The following COL6A5 variants were observed in gnomAD, a reference collection of about 807,000 sequenced individuals.
COL6A5 encodes the protein collagen type VI alpha 5 chain.
In COL6A5, 48 loss-of-function variants were observed where a neutral mutation model predicts 65.6. That is an observed-to-expected ratio of 0.73 (90% CI 0.58 to 0.93). The LOEUF (loss-of-function observed/expected upper bound fraction) is 0.93. Ranked by LOEUF, COL6A5 falls within the 40% of genes least tolerant of loss-of-function variation. COL6A5 has a pLI of 0.00. For missense variants in COL6A5, 914 were observed against 928.3 expected (o/e 0.98, Z 0.20); for synonymous variants, 291 against 322.8 (o/e 0.90, Z 1.05).
chr3:130,407,804 A>T (rs1333788435), intron 17 of COL6A5, among the ~76,000 whole-genome samples: 1 of 152,220 alleles, frequency 6.6e-6, no homozygotes, highest in Non-Finnish European at 1.5e-5. Context: ...AATCGGAAAT[A>T]ATTAGGTTTG....
At chr3:130,396,927 A>G (rs1936621838) in intron 8 of COL6A5, among the ~76,000 whole-genome samples, 1 of 152,136 alleles carries the variant, frequency 6.6e-6, no homozygotes, top group South Asian at 2.1e-4. Flanking sequence ...CAGTGGCACG[A>G]TCTCGGCTCA....
chr3:130,369,989 C>G (rs889323704), intron 1 of COL6A5, among the ~76,000 whole-genome samples: 15 of 152,192 alleles, frequency 9.9e-5, no homozygotes, highest in Admixed American at 2.0e-4. Context: ...TGTTGGTTCA[C>G]TTGGTAGCTA....
chr3:130,353,245 G>C (rs1032015929), intron 1 of COL6A5, among the ~76,000 whole-genome samples: 1 of 152,206 alleles, frequency 6.6e-6, no homozygotes, highest in Non-Finnish European at 1.5e-5. Context: ...AGCACTCCCT[G>C]TTGGACCTGT....
At chr3:130,420,786 A>G (rs1937502559) in intron 25 of COL6A5, among the ~76,000 whole-genome samples, 1 of 152,054 alleles carries the variant, frequency 6.6e-6, no homozygotes, top group South Asian at 2.1e-4. Context: ...AGGGAGGACG[A>G]ACATTTTTTT....
At chr3:130,437,297 G>A (rs1257573981) in intron 1 of COL6A5, among the ~76,000 whole-genome samples, 2 of 152,114 alleles carry the variant, frequency 1.3e-5, no homozygotes, top group Admixed American at 6.6e-5. Context: ...CTAGTATTAA[G>A]TATTGATATA....
intron 17 of COL6A5, among the ~76,000 whole-genome samples, chr3:130,408,416 C>A (rs1260867330): frequency 6.6e-6 from 1 of 152,052 alleles, no homozygotes; most frequent in Admixed American, 6.5e-5. Flanking sequence ...TCCAGCCTGG[C>A]GAATTCTAGT....
chr3:130,470,486 C>G (rs560620509), intron 6 of COL6A5, among the ~76,000 whole-genome samples: 1 of 151,318 alleles, frequency 6.6e-6, no homozygotes, highest in South Asian at 2.1e-4. Context: ...CAGACAATTT[C>G]AATAGCTAAT....
chr3:130,477,401 A>G (rs904060486), intron 7 of COL6A5: 4 of 222,108 alleles, frequency 1.8e-5, no homozygotes, highest in Non-Finnish European at 3.5e-5. Flanking sequence ...TTTTCTTTTC[A>G]CCTGTCCATT....
chr3:130,393,770 C>G (rs1210958410), intron 7 of COL6A5, among the ~76,000 whole-genome samples: 1 of 152,230 alleles, frequency 6.6e-6, no homozygotes, highest in Non-Finnish European at 1.5e-5. Flanking sequence ...AGCTGTCCAG[C>G]TTCAGCCTGA....
chr3:130,418,900 C>T, exon 25 of COL6A5: 1 of 1,550,778 alleles, frequency 6.4e-7, no homozygotes, highest in South Asian at 1.2e-5. Flanking sequence ...GATCTAGGGC[C>T]AGTGGGGCAA....
chr3:130,347,188 T>C (rs983473608), intron 1 of COL6A5, among the ~76,000 whole-genome samples: 4 of 152,160 alleles, frequency 2.6e-5, no homozygotes, highest in Non-Finnish European at 5.9e-5. Flanking sequence ...TTTGCAGATA[T>C]TTCTCAGTTT....
intron 4 of COL6A5, 21 bp from the exon 37 acceptor site, chr3:130,455,434 T>C: frequency 1.3e-6 from 2 of 1,525,462 alleles, no homozygotes; most frequent in Non-Finnish European, 1.8e-6. Context: ...TAGACTCACC[T>C]AAAGTTTTTT....
intron 4 of COL6A5, among the ~76,000 whole-genome samples, chr3:130,452,045 G>A (rs1709454248): frequency 6.6e-6 from 1 of 152,148 alleles, no homozygotes; most frequent in South Asian, 2.1e-4. Flanking sequence ...CTACTGCCCT[G>A]AATAGAGTGA....
rs1322378563 is a variant in COL6A5, at chr3:130,409,407, G to A, written c.4542+19G>A. 1.3e-6 allele frequency: 2 copies of A among 1,542,370 alleles called. No individual in the cohort carries two copies. Among genetic ancestry groups the A allele is most frequent in the East Asian group, 2.5e-5 (1 of 40,802 alleles). On this transcript the variant is annotated intron_variant and NMD_transcript_variant, in intron 18 of 41. Coordinates refer to the COL6A5 transcript ENST00000312481. ...GGATCCGGTAAGTTTCTAGGGCCCA[G>A]TTGGCTCTGAATTTTATACTTGCTC...
chr3:130,392,075 C>T (rs1577460615), intron 7 of COL6A5, among the ~76,000 whole-genome samples: 1 of 152,204 alleles, frequency 6.6e-6, no homozygotes, highest in Non-Finnish European at 1.5e-5. Context: ...GTAATGGCTG[C>T]TCATGGTGCT....
At chr3:130,384,818 A>G (rs1188044694) in exon 5 of COL6A5, 1 of 1,546,214 alleles carries the variant, frequency 6.5e-7, no homozygotes, top group South Asian at 1.2e-5. Flanking sequence ...TGTGGATACA[A>G]AAGAGGCTGA....
In COL6A5 at chr3:130,471,711, C is replaced by T. The variant is rs922257557; in HGVS notation, c.2328+744C>T. The T allele has an allele frequency of 3.9e-6, 6 of 1,534,528 alleles. No homozygotes were observed. The African/African-American group carries it at 5.5e-5, about 14-fold the overall frequency. On this transcript the variant is annotated intron_variant, in intron 7 of 7. Transcript: ENST00000512836. Reference sequence around the variant, plus strand: ...CTTCCTGGGATATATGAAATAAAGACAGAAAATGGTGATCTGTTTGATGAA... The same window carrying T: ...CTTCCTGGGATATATGAAATAAAGATAGAAAATGGTGATCTGTTTGATGAA...
At position 130,380,062 on chromosome 3, in the gene COL6A5, A is replaced by T. The variant is rs1453991878; in HGVS notation, c.1300+12A>T. 4 of 1,472,968 alleles carry T rather than the reference A, an allele frequency of 2.7e-6. No homozygotes were observed. The highest frequency in any genetic ancestry group is 9.1e-7 in the Non-Finnish European group (1 of 1,103,320). The allele number at this position is 1,472,968 out of a possible 1,614,324, so 91.2% of individuals were successfully genotyped here. ...TCTTGATAAAACTGGTATGTTTTTT[A>T]AAATACTTTTCTAATTATAAAATTA... On this transcript the variant is annotated intron_variant and NMD_transcript_variant, in intron 4 of 41. Transcript: ENST00000312481.
At chr3:130,370,037 T>C (rs1935495550) in intron 1 of COL6A5, among the ~76,000 whole-genome samples, 1 of 152,194 alleles carries the variant, frequency 6.6e-6, no homozygotes. Flanking sequence ...AAGTCTAGTT[T>C]GGGGTATATC....
Sources: gnomAD v4.1 joint callset for allele counts (sites outside exome capture counted in the v4.1 genomes callset) on GRCh38, gnomAD v4.1.1 for gene constraint, MANE v1.5 for transcripts, NCBI Gene and HGNC (gene_info 2026-07-23, HGNC 2026-07-21) for gene names.